Variants in MYH7B observed in about 807,000 individuals in gnomAD.
The protein encoded by MYH7B is myosin heavy chain 7B.
A neutral mutation model predicts 234.5 loss-of-function variants in MYH7B; 205 were observed. The observed-to-expected ratio is 0.87, with a 90% CI of 0.78 to 0.98. MYH7B has a LOEUF of 0.98. MYH7B is among the 50% of genes least tolerant of loss of function. The probability of loss-of-function intolerance (pLI) is 0.00; values close to 1 mark genes in which losing one functional copy is unlikely to be tolerated. For synonymous variants in MYH7B, 1,193 were observed against 1,105.0 expected, an observed-to-expected ratio of 1.08 and a Z score of -1.58; for missense variants, 2,652 against 2,633.4, an observed-to-expected ratio of 1.01 and a Z score of -0.15.
At chr20:34,992,215 C>A (rs1239244765) in intron 24 of MYH7B, among the ~76,000 whole-genome samples, 1 of 152,078 alleles carries the variant, frequency 6.6e-6, no homozygotes. Context: ...GAAACCCCAT[C>A]TCTACTAAAA....
rs117489075 is a variant in MYH7B at position 34,986,616 on chromosome 20, G to A, written c.905-270G>A. Among the ~76,000 whole-genome samples, 73 of 152,326 alleles carry A rather than the reference G, an allele frequency of 4.8e-4. 1 individual carries two copies. In the East Asian group the frequency reaches 0.012, roughly 24 times the overall value. The stretch of plus-strand genomic sequence containing the variant: ...GCAACAGTCAAAAGATGAGTGAGAC[G>A]TGAGGACTGTGGCTCATTCCTCAGA... On this transcript the variant is annotated intron_variant, in intron 14 of 44. Coordinates refer to ENST00000262873, the Ensembl canonical transcript of MYH7B.
rs746911721 is a variant in MYH7B at position 35,001,236 on chromosome 20, T to C, written c.5476-9T>C. On this transcript the variant is annotated splice_polypyrimidine_tract_variant and intron_variant, in intron 41 of 44. Transcript: ENST00000262873. ...TGGGCTTGGCATCAGGCTGTCCCCC[T>C]GCCTGCAGGTACGGGAGCTGGAGGC... 2.5e-6 allele frequency: 4 copies of C among 1,608,728 alleles called. No individual in the cohort carries two copies. The African/African-American group carries it at 4.0e-5, about 16-fold the overall frequency.
chr20:34,987,018 G>C (rs1600438029), intron 15 of MYH7B, 29 bp downstream of exon 15: 1 of 1,610,462 alleles, frequency 6.2e-7, no homozygotes, highest in Non-Finnish European at 8.5e-7. Flanking sequence ...GGGGAGCTGT[G>C]TGGACGCCTG....
rs867589932 is a variant in MYH7B, at chr20:34,979,558, C to T, written c.198+62C>T. 39 of 1,597,046 alleles carry T rather than the reference C, an allele frequency of 2.4e-5. No individual in the cohort carries two copies. The Middle Eastern group carries it at 1.7e-3, about 68-fold the overall frequency. The stretch of plus-strand genomic sequence containing the variant: ...CCCTAGGCCTCCTGGCCAACAGGAT[C>T]TGCCCTCTGGTTGAAGGGGGTCTGG... On this transcript the variant is annotated intron_variant, in intron 6 of 44. Coordinates refer to ENST00000262873, the Ensembl canonical transcript of MYH7B.
rs1569060503 is a variant in MYH7B, at chr20:34,997,646, CGTG to C, written c.3747+7_3747+9del. The C allele has an allele frequency of 1.4e-5, 22 of 1,612,918 alleles. No homozygotes were observed. Among genetic ancestry groups the C allele is most frequent in the Non-Finnish European group, 1.9e-5 (22 of 1,179,464 alleles). ...AGACTCTGACCCGCGCCAAGGTGTCCGTGCCTTCCTCACCCCATACCCACCCTG... is the reference window on the plus strand; with the variant it reads ...AGACTCTGACCCGCGCCAAGGTGTCCCCTTCCTCACCCCATACCCACCCTG... On this transcript the variant is annotated splice_region_variant and intron_variant, in intron 32 of 44. Coordinates refer to ENST00000262873, the Ensembl canonical transcript of MYH7B.
chr20:34,970,744 C>CCAGCT (rs2081785445), intron 2 of MYH7B, among the ~76,000 whole-genome samples: 2 of 152,150 alleles, frequency 1.3e-5, no homozygotes, highest in Admixed American at 6.5e-5. Context: ...TTGGCCCAGC[C>CCAGCT]CAGCTCAGCT....
intron 35 of MYH7B, 28 bp from the exon 36 acceptor site, chr20:34,999,028 C>A (rs1157766538): frequency 1.9e-6 from 3 of 1,595,276 alleles, no homozygotes; most frequent in East Asian, 4.5e-5. Context: ...CTTCCATGGT[C>A]CACACCTTGT....
At chr20:34,984,557 T>A in intron 10 of MYH7B, 135 bp from the exon 11 acceptor site, 1 of 752,020 alleles carries the variant, frequency 1.3e-6, no homozygotes, top group Non-Finnish European at 2.2e-6. Context: ...GGGCTGAGGG[T>A]GGGGGCCATG....
At chr20:34,998,527 G>A (rs750632477) in exon 34 of MYH7B, 2 of 1,613,618 alleles carry the variant, frequency 1.2e-6, no homozygotes, top group Admixed American at 1.7e-5. Flanking sequence ...TGAGTCGCCT[G>A]CTAGAGGAGA....
exon 36 of MYH7B, chr20:34,999,210 C>T: frequency 6.2e-7 from 1 of 1,612,438 alleles, no homozygotes; most frequent in Non-Finnish European, 8.5e-7. Flanking sequence ...AGCTGCTGCG[C>T]TGGACAAGAA....
intron 7 of MYH7B, 99 bp from the exon 8 acceptor site, chr20:34,980,479 G>A (rs747237037): frequency 2.0e-5 from 22 of 1,093,056 alleles, no homozygotes; most frequent in Middle Eastern, 2.1e-4. Context: ...CGGAGGTTGC[G>A]GTGAGCCGAG....
chr20:34,993,070 C>T lies in MYH7B; in HGVS notation c.2184-32C>T, dbSNP rs373857220. On this transcript the variant is annotated intron_variant, in intron 24 of 44. Transcript: ENST00000262873. ...AGTGGCCTGTGCCCCATACCCAGCC[C>T]TCTCCTGACCAGCTCTGCCCTCCTT... 6.0e-5 allele frequency: 96 copies of T among 1,598,356 alleles called. No individual in the cohort carries two copies. In the African/African-American group the frequency reaches 1.0e-3, roughly 17 times the overall value.
exon 36 of MYH7B, chr20:34,999,339 C>A: frequency 6.4e-7 from 1 of 1,560,164 alleles, no homozygotes; most frequent in Admixed American, 1.9e-5. Context: ...CTTCCGGCTG[C>A]GGCACGGCCA....
chr20:34,992,369 G>A (rs1292100434), intron 24 of MYH7B, among the ~76,000 whole-genome samples: 2 of 130,654 alleles, frequency 1.5e-5, no homozygotes, highest in Non-Finnish European at 3.2e-5. Flanking sequence ...CTGGGCGACA[G>A]AGCGAGACTC....
At chr20:34,975,039 A>T (rs538263830) in intron 2 of MYH7B, among the ~76,000 whole-genome samples, 1 of 152,218 alleles carries the variant, frequency 6.6e-6, no homozygotes, top group African/African-American at 2.4e-5. Context: ...AATTCTGAAA[A>T]TAGACAACAC....
Position 34,987,146 on chromosome 20 carries a change from C to T in MYH7B, c.1009-3C>T, listed in dbSNP as rs751964316. 1.2e-6 allele frequency: 2 copies of T among 1,613,206 alleles called. No homozygotes were observed. The highest frequency in any genetic ancestry group is 1.1e-5 in the South Asian group (1 of 91,058). On this transcript the variant is annotated splice_region_variant and splice_polypyrimidine_tract_variant and intron_variant, in intron 15 of 44. Transcript: ENST00000262873. Reference sequence around the variant, plus strand: ...TGAACTCGCTTTCCCTGCTGCCCCCCAGCATGCCATGGACATCCTAGGCTT... The same window carrying T: ...TGAACTCGCTTTCCCTGCTGCCCCCTAGCATGCCATGGACATCCTAGGCTT...
chr20:34,994,906 C>G (rs192962522), intron 27 of MYH7B, among the ~76,000 whole-genome samples: 1 of 152,364 alleles, frequency 6.6e-6, no homozygotes, highest in Non-Finnish European at 1.5e-5. Context: ...CAAAACTCAC[C>G]TGCTAGTGCA....
At chr20:34,962,238 T>C (rs1193456008) in intron 2 of MYH7B, among the ~76,000 whole-genome samples, 5 of 152,108 alleles carry the variant, frequency 3.3e-5, no homozygotes, top group Non-Finnish European at 7.4e-5. Flanking sequence ...AAAATAATTA[T>C]AATAATGCTG....
intron 28 of MYH7B, among the ~76,000 whole-genome samples, 167 bp from the exon 29 acceptor site, chr20:34,996,179 C>T (rs1446397855): frequency 3.3e-5 from 5 of 152,202 alleles, no homozygotes; most frequent in African/African-American, 1.2e-4. Flanking sequence ...TCATTACAAC[C>T]CCATGAGGAG....
Sources: gnomAD v4.1 joint callset for allele counts (sites outside exome capture counted in the v4.1 genomes callset) on GRCh38, gnomAD v4.1.1 for gene constraint, MANE v1.5 for transcripts, NCBI Gene and HGNC (gene_info 2026-07-23, HGNC 2026-07-21) for gene names.